MDGA2: variants seen among roughly 807,000 people sequenced by gnomAD.
MDGA2 encodes MAM domain-containing glycosylphosphatidylinositol anchor protein 2.
MDGA2 carries 40 observed loss-of-function variants against 117.8 expected under a neutral mutation model. The observed-to-expected ratio is 0.34, with a 90% CI of 0.26 to 0.44. MDGA2 has a LOEUF of 0.44. MDGA2 is among the 20% of genes least tolerant of loss of function. The pLI is 1.00. For synonymous variants in MDGA2, 452 were observed against 439.0 expected, an observed-to-expected ratio of 1.03 and a Z score of -0.37; for missense variants, 1,123 against 1,250.6, an observed-to-expected ratio of 0.90 and a Z score of 1.54.
At chr14:47,522,372 T>TGTGTATATATACACACAC (rs60971088) in intron 1 of MDGA2, among the ~76,000 whole-genome samples, 1 of 150,142 alleles carries the variant, frequency 6.7e-6, no homozygotes, top group Non-Finnish European at 1.5e-5. Context: ...TGTGTATATA[T>TGTGTATATATACACACAC]ACACACACAC....
intron 1 of MDGA2, among the ~76,000 whole-genome samples, chr14:47,607,569 C>T (rs1013579560): frequency 2.0e-5 from 3 of 152,026 alleles, no homozygotes; most frequent in Non-Finnish European, 4.4e-5. Flanking sequence ...TCAATGGCAG[C>T]AGTTTTGGTT....
chr14:47,202,266 G>A (rs752594026), intron 3 of MDGA2, among the ~76,000 whole-genome samples: 1 of 152,174 alleles, frequency 6.6e-6, no homozygotes, highest in Non-Finnish European at 1.5e-5. Flanking sequence ...AAAAACAACT[G>A]TATAGATATC....
At chr14:47,204,823 A>C (rs185083694) in intron 3 of MDGA2, among the ~76,000 whole-genome samples, 1 of 152,114 alleles carries the variant, frequency 6.6e-6, no homozygotes, top group Admixed American at 6.5e-5. Context: ...CCAACATTAT[A>C]TATTCTAAAA....
intron 1 of MDGA2, among the ~76,000 whole-genome samples, chr14:47,533,567 T>C (rs759061860): frequency 6.6e-6 from 1 of 152,188 alleles, no homozygotes; most frequent in African/African-American, 2.4e-5. Flanking sequence ...TCCACACACA[T>C]ATGGAGAAGG....
chr14:46,903,925 T>C (rs954629439), intron 10 of MDGA2, among the ~76,000 whole-genome samples: 1 of 152,226 alleles, frequency 6.6e-6, no homozygotes, highest in Non-Finnish European at 1.5e-5. Flanking sequence ...CAAATTTGAA[T>C]TGTCAAATCC....
intron 1 of MDGA2, among the ~76,000 whole-genome samples, chr14:47,606,013 G>A (rs1896736575): frequency 6.6e-6 from 1 of 152,074 alleles, no homozygotes; most frequent in African/African-American, 2.4e-5. Context: ...ATCTAATGGT[G>A]CCTGTTGCCC....
In MDGA2 at chr14:47,319,174, C is replaced by T. The variant is rs1033962599; in HGVS notation, c.281-17624G>A. On this transcript the variant is annotated intron_variant, in intron 1 of 16. Transcript: ENST00000399232. ...ATAATATTCTTACTGGTTGGTGGAT[C>T]GTCAATCACCTCCTATTATTCTGGA... Among the ~76,000 whole-genome samples the T allele has an allele frequency of 2.6e-5, 4 of 152,162 alleles. No individual in the cohort carries two copies. The South Asian group carries it at 8.3e-4, about 32-fold the overall frequency.
At chr14:47,162,699 C>G (rs1883694064) in intron 3 of MDGA2, among the ~76,000 whole-genome samples, 1 of 152,074 alleles carries the variant, frequency 6.6e-6, no homozygotes, top group Admixed American at 6.5e-5. Context: ...ATATTATTTC[C>G]ATAGGCTATA....
chr14:47,323,809 T>G (rs1377337490), intron 1 of MDGA2, among the ~76,000 whole-genome samples: 1 of 152,094 alleles, frequency 6.6e-6, no homozygotes, highest in South Asian at 2.1e-4. Flanking sequence ...GAACTTAAAC[T>G]AGAAAGGAAT....
chr14:47,140,728 A>C (rs907042633), intron 4 of MDGA2, among the ~76,000 whole-genome samples: 3 of 152,112 alleles, frequency 2.0e-5, no homozygotes, highest in African/African-American at 7.2e-5. Context: ...TAACACAACT[A>C]CTAGAAGAAA....
chr14:47,161,674 G>A (rs1055080126), intron 3 of MDGA2, among the ~76,000 whole-genome samples: 8 of 151,068 alleles, frequency 5.3e-5, no homozygotes, highest in Non-Finnish European at 7.4e-5. Flanking sequence ...AAAAATTTTA[G>A]ATGCCCTTCA....
intron 1 of MDGA2, among the ~76,000 whole-genome samples, chr14:47,395,864 T>C (rs542205873): frequency 3.0e-4 from 45 of 152,292 alleles, no homozygotes; most frequent in Non-Finnish European, 3.2e-4. Context: ...TGTTTAAATA[T>C]GTGTTAGGTT....
intron 1 of MDGA2, among the ~76,000 whole-genome samples, chr14:47,389,158 T>C (rs1891831487): frequency 7.0e-6 from 1 of 143,250 alleles, no homozygotes; most frequent in Admixed American, 6.7e-5. Context: ...AATTTTCAAA[T>C]ACATCCAGCA....
Position 47,608,293 on chromosome 14 carries a change from G to A in MDGA2, c.280+66224C>T, listed in dbSNP as rs1306393247. On this transcript the variant is annotated intron_variant, in intron 1 of 16. Coordinates refer to ENST00000399232, the MANE Select transcript of MDGA2 (RefSeq NM_001113498.3). The stretch of plus-strand genomic sequence containing the variant: ...TCCACTTTTTTCTGGACAGAACTGT[G>A]AGAAACAAATAATCCTAATTATGTA... Among the ~76,000 whole-genome samples, 3 of 152,042 alleles carry A rather than the reference G, an allele frequency of 2.0e-5. No homozygotes were observed. In the East Asian group the frequency reaches 5.8e-4, roughly 29 times the overall value.
At chr14:47,365,211 T>C (rs2138378913) in intron 1 of MDGA2, among the ~76,000 whole-genome samples, 1 of 152,346 alleles carries the variant, frequency 6.6e-6, no homozygotes, top group East Asian at 1.9e-4. Flanking sequence ...GGGGTTCGTT[T>C]TTCTTCCCCT....
At chr14:47,002,174 A>G (rs1043503772) in intron 8 of MDGA2, among the ~76,000 whole-genome samples, 2 of 152,092 alleles carry the variant, frequency 1.3e-5, no homozygotes, top group Non-Finnish European at 2.9e-5. Flanking sequence ...AATTTCATAA[A>G]CCTTCCCAAT....
intron 1 of MDGA2, among the ~76,000 whole-genome samples, chr14:47,307,702 G>T (rs1354915865): frequency 6.6e-6 from 1 of 150,388 alleles, no homozygotes; most frequent in Non-Finnish European, 1.5e-5. Flanking sequence ...AAAAAAAAAG[G>T]CAGGAAAAAA....
intron 8 of MDGA2, among the ~76,000 whole-genome samples, chr14:46,981,025 T>A (rs1886649137): frequency 6.6e-6 from 1 of 152,180 alleles, no homozygotes. Context: ...TTAAAAAGCC[T>A]TTATTATTTG....
intron 1 of MDGA2, among the ~76,000 whole-genome samples, chr14:47,379,440 G>C (rs952682909): frequency 3.9e-5 from 6 of 152,156 alleles, no homozygotes; most frequent in Admixed American, 6.5e-5. Flanking sequence ...GATAAAGAGT[G>C]AAGACCCATC....
Sources: gnomAD v4.1 joint callset for allele counts (sites outside exome capture counted in the v4.1 genomes callset) on GRCh38, gnomAD v4.1.1 for gene constraint, MANE v1.5 for transcripts, NCBI Gene and HGNC (gene_info 2026-07-23, HGNC 2026-07-21) for gene names.